ITPR1: variants seen among roughly 807,000 people sequenced by gnomAD.
ITPR1 encodes the protein inositol 1,4,5-trisphosphate receptor type 1.
ITPR1 carries 96 observed loss-of-function variants against 318.4 expected under a neutral mutation model. The observed-to-expected ratio is 0.30, with a 90% confidence interval of 0.26 to 0.36. The LOEUF (loss-of-function observed/expected upper bound fraction) is 0.36, where lower values mean the gene tolerates loss of function less well. ITPR1 is among the 10% of genes least tolerant of loss of function. The pLI, the probability that ITPR1 is intolerant of heterozygous loss-of-function variation, is 1.00. For synonymous variants in ITPR1, 1,312 were observed against 1,289.9 expected (o/e 1.02, Z -0.37); for missense variants, 2,440 against 3,460.2 (o/e 0.71, Z 7.40).
In ITPR1 at chr3:4,674,293, T is replaced by G; in HGVS notation, c.2548T>G (p.Cys850Gly). The G allele has an allele frequency of 6.2e-7, 1 of 1,602,612 alleles. No individual in the cohort carries two copies. The highest frequency in any genetic ancestry group is 8.5e-7 in the Non-Finnish European group (1 of 1,173,696). The change falls in exon 22 of 62, where the codon TGT becomes GGT. Residue 850 changes from cysteine to glycine, a missense_variant. Coordinates refer to ENST00000649015, the MANE Select transcript of ITPR1 (RefSeq NM_001378452.1). The part of the protein sequence containing the change: ...FVEEYLRDVV[C>G]QRFPFSDKEK... ...GGAGGAGTATTTAAGAGATGTGGTT[T>G]GTCAGAGGTTCCCTTTCTCTGATAA...
At chr3:4,547,759 G>A (rs905497068) in intron 4 of ITPR1, among the ~76,000 whole-genome samples, 3 of 152,276 alleles carry the variant, frequency 2.0e-5, no homozygotes, top group Non-Finnish European at 2.9e-5. Flanking sequence ...TACCCAGTCC[G>A]AGGAGTTCAA....
At chr3:4,781,646 A>C (rs1488524920) in intron 49 of ITPR1, among the ~76,000 whole-genome samples, 1 of 152,150 alleles carries the variant, frequency 6.6e-6, no homozygotes, top group Non-Finnish European at 1.5e-5. Flanking sequence ...GACTTTAGGA[A>C]TGTTCTTTTA....
chr3:4,627,941 G>A (rs901789046), intron 5 of ITPR1, 63 bp downstream of exon 5: 25 of 987,514 alleles, frequency 2.5e-5, no homozygotes, highest in Non-Finnish European at 3.8e-5. Flanking sequence ...TGGTATCTGG[G>A]TGTAATGGTG....
chr3:4,591,885 C>T (rs151129141), intron 4 of ITPR1, among the ~76,000 whole-genome samples: 61 of 152,226 alleles, frequency 4.0e-4, no homozygotes, highest in African/African-American at 1.4e-3. Flanking sequence ...GTCAGTTTAA[C>T]AGTCAGATCT....
At chr3:4,586,543 T>A (rs2089919083) in intron 4 of ITPR1, among the ~76,000 whole-genome samples, 1 of 145,688 alleles carries the variant, frequency 6.9e-6, no homozygotes, top group African/African-American at 2.6e-5. Flanking sequence ...AAGGTCTTGC[T>A]CTGTCACCCA....
chr3:4,531,375 A>T (rs2083400350), intron 4 of ITPR1, among the ~76,000 whole-genome samples: 1 of 152,186 alleles, frequency 6.6e-6, no homozygotes. Flanking sequence ...GTTGCTGCAC[A>T]GACTCCTCAC....
chr3:4,636,916 A>T (rs1347369976), intron 5 of ITPR1, among the ~76,000 whole-genome samples: 1 of 152,240 alleles, frequency 6.6e-6, no homozygotes, highest in Non-Finnish European at 1.5e-5. Context: ...TTCTTTCTAG[A>T]TGAACCAGTA....
At chr3:4,591,223 A>G (rs2090374119) in intron 4 of ITPR1, among the ~76,000 whole-genome samples, 3 of 152,178 alleles carry the variant, frequency 2.0e-5, no homozygotes, top group South Asian at 4.1e-4. Flanking sequence ...AATACTTTAT[A>G]TTCCTCTGGG....
Position 4,846,762 on chromosome 3 carries a change from T to TTA in ITPR1, c.*539_*540dup, listed in dbSNP as rs886058648. Reference sequence around the variant, plus strand: ...CCCCTGGGCATTTTGTACCATGTAATTATCCTCTGGTGATGCTGTTTCTCG... The same window carrying TTA: ...CCCCTGGGCATTTTGTACCATGTAATTATATCCTCTGGTGATGCTGTTTCTCG... On this transcript the variant is annotated 3_prime_UTR_variant, in exon 62 of 62. Transcript: ENST00000649015. 6.5e-6 allele frequency: 1 copy of TTA among 152,688 alleles called. No homozygotes were observed. Among genetic ancestry groups the TTA allele is most frequent in the Non-Finnish European group, 1.5e-5 (1 of 68,060 alleles). The allele number at this position is 152,688 out of a possible 1,614,324, so 9.5% of individuals were successfully genotyped here.
At chr3:4,623,280 C>A (rs567887419) in intron 4 of ITPR1, among the ~76,000 whole-genome samples, 1 of 152,310 alleles carries the variant, frequency 6.6e-6, no homozygotes, top group East Asian at 1.9e-4. Flanking sequence ...TGGCTTCTAG[C>A]CCACCCAGCC....
intron 4 of ITPR1, among the ~76,000 whole-genome samples, chr3:4,558,762 T>C (rs925581321): frequency 6.6e-6 from 1 of 152,104 alleles, no homozygotes; most frequent in Non-Finnish European, 1.5e-5. Flanking sequence ...AGTGATACAG[T>C]GATCCCCCAA....
At chr3:4,767,470 C>A (rs1429038586) in intron 45 of ITPR1, among the ~76,000 whole-genome samples, 2 of 152,222 alleles carry the variant, frequency 1.3e-5, no homozygotes, top group African/African-American at 4.8e-5. Flanking sequence ...AGAAGAATGG[C>A]TACCATTTAC....
chr3:4,560,095 G>A (rs1453939148), intron 4 of ITPR1, among the ~76,000 whole-genome samples: 1 of 152,110 alleles, frequency 6.6e-6, no homozygotes, highest in Non-Finnish European at 1.5e-5. Context: ...AAGATTAAAT[G>A]GTTTCCTATT....
At chr3:4,825,679 A>C (rs1331599803) in intron 60 of ITPR1, 1 of 454,278 alleles carries the variant, frequency 2.2e-6, no homozygotes, top group Non-Finnish European at 4.4e-6. Flanking sequence ...GCAAAAGATC[A>C]AAATGGAAAC....
intron 10 of ITPR1, among the ~76,000 whole-genome samples, chr3:4,648,973 A>C (rs780596278): frequency 5.3e-5 from 8 of 152,206 alleles, no homozygotes; most frequent in Non-Finnish European, 1.0e-4. Flanking sequence ...GAGAGGCAGA[A>C]TTTGGTCTTG....
intron 33 of ITPR1, among the ~76,000 whole-genome samples, chr3:4,694,631 C>G (rs904321989): frequency 7.2e-5 from 11 of 152,230 alleles, no homozygotes; most frequent in African/African-American, 2.6e-4. Context: ...TTCCAGGCTA[C>G]AAACATGCAC....
At position 4,511,740 on chromosome 3, in the gene ITPR1, C is replaced by T. The variant is rs374406215; in HGVS notation, c.-16-4736C>T. 7.9e-5 allele frequency among the ~76,000 whole-genome samples: 12 copies of T among 152,254 alleles called. 1 individual carries two copies. Among genetic ancestry groups the T allele is most frequent in the African/African-American group, 2.6e-4 (11 of 41,566 alleles). On this transcript the variant is annotated intron_variant, in intron 2 of 61. Transcript: ENST00000649015. ...GTAAGTGGCAGAGCTGGGGTTTGAA[C>T]CTGGGCACTTTGACTCTGGAGCCTC...
rs537004329 is a variant in ITPR1, at chr3:4,630,689, G to A, written c.279+2811G>A. On this transcript the variant is annotated intron_variant, in intron 5 of 61. Transcript: ENST00000649015. The stretch of plus-strand genomic sequence containing the variant: ...CAACCTCCGCCTCCCGGGCTCAAGC[G>A]ATTTTTCTGCCTCAGCCTCCCAAGT... 3.8e-4 allele frequency among the ~76,000 whole-genome samples: 57 copies of A among 151,802 alleles called. 1 individual carries two copies. The highest frequency in any genetic ancestry group is 6.6e-4 in the Admixed American group (10 of 15,212).
chr3:4,630,872 C>T (rs1221382233), intron 5 of ITPR1, among the ~76,000 whole-genome samples: 1 of 152,088 alleles, frequency 6.6e-6, no homozygotes, highest in Non-Finnish European at 1.5e-5. Context: ...TAGGGGTGAG[C>T]CACCGTGCTC....
Sources: allele counts gnomAD v4.1 joint callset (sites outside exome capture counted in the v4.1 genomes callset), GRCh38; gene constraint gnomAD v4.1.1; transcripts MANE v1.5; gene names NCBI Gene and HGNC (gene_info 2026-07-23, HGNC 2026-07-21).